Variants in SAMD15 observed in about 807,000 individuals in gnomAD.
SAMD15 encodes the protein sterile alpha motif domain containing 15.
In SAMD15, 37 loss-of-function variants were observed where a neutral mutation model predicts 50.5. The observed-to-expected ratio is 0.73, with a 90% confidence interval of 0.56 to 0.96. SAMD15 has a LOEUF of 0.96. SAMD15 is among the 40% of genes least tolerant of loss of function. The probability of loss-of-function intolerance (pLI) is 0.00; values close to 1 mark genes in which losing one functional copy is unlikely to be tolerated. For missense variants in SAMD15, 789 were observed against 783.8 expected (o/e 1.01, Z -0.08); for synonymous variants, 255 against 282.8 (o/e 0.90, Z 0.99).
intron 2 of SAMD15, among the ~76,000 whole-genome samples, chr14:77,383,487 A>C (rs1893969044): frequency 1.3e-5 from 2 of 152,228 alleles, no homozygotes; most frequent in African/African-American, 4.8e-5. Context: ...TGAAATCCTC[A>C]AGAGTAAATG....
chr14:77,380,750 C>T (rs1417215683), intron 2 of SAMD15, among the ~76,000 whole-genome samples: 1 of 152,182 alleles, frequency 6.6e-6, no homozygotes, highest in Non-Finnish European at 1.5e-5. Flanking sequence ...GCCTAGAACA[C>T]CACAGTGGCC....
chr14:77,385,409 C>G lies in SAMD15; in HGVS notation c.1788+4928C>G. Among the ~76,000 whole-genome samples, 4 of 152,050 alleles carry G rather than the reference C, an allele frequency of 2.6e-5. No homozygotes were observed. The South Asian group carries it at 8.3e-4, about 32-fold the overall frequency. The stretch of plus-strand genomic sequence containing the variant: ...CAAGCAATTCTTCCGCCTCAGCCTC[C>G]CGAGTAGCTGGGATTACAGGCGCCC... On this transcript the variant is annotated intron_variant, in intron 2 of 2. Transcript: ENST00000216471.
At position 77,380,480 on chromosome 14, in the gene SAMD15, A is replaced by G. The variant is rs745571290; in HGVS notation, c.1787A>G (p.Lys596Arg). 2 of 1,605,670 alleles carry G rather than the reference A, an allele frequency of 1.2e-6. No individual in the cohort carries two copies. The highest frequency in any genetic ancestry group is 1.1e-5 in the South Asian group (1 of 90,928). ...QMGITNFEDM[K>R]AISRHTQELL... ...GGGATAACAAACTTTGAGGACATGAAGGTGAGTTGTGTCCAAAGTTTCCCT... is the reference window on the plus strand; with the variant it reads ...GGGATAACAAACTTTGAGGACATGAGGGTGAGTTGTGTCCAAAGTTTCCCT... The change falls in exon 2 of 3, where the codon AAG (lysine) becomes AGG (arginine). Residue 596 changes from lysine (K) to arginine (R), a missense_variant and splice_region_variant. By Grantham distance (26) the Lys-to-Arg change is conservative (BLOSUM62 2). Coordinates refer to ENST00000216471, the MANE Select transcript of SAMD15 (RefSeq NM_001010860.4).
In SAMD15 at chr14:77,388,382, CGTGTGTGTGTGTGTGTGTGTGTGT is replaced by C. The variant is rs376913427; in HGVS notation, c.1789-2603_1789-2580del. Among the ~76,000 whole-genome samples the C allele has an allele frequency of 7.5e-5, 10 of 133,166 alleles. No homozygotes were observed. In the East Asian group the frequency reaches 1.6e-3, roughly 21 times the overall value. 87.4% of individuals were successfully genotyped at this position (133,166 alleles called of 152,430 possible). On this transcript the variant is annotated intron_variant, in intron 2 of 2. Coordinates refer to ENST00000216471, the MANE Select transcript of SAMD15 (RefSeq NM_001010860.4). ...CAAGAAGTCTTAGAAGCCACCTGTTCGTGTGTGTGTGTGTGTGTGTGTGTGTGTGTGTGTGTGTGTGTGTGTTTG... is the reference window on the plus strand; with the variant it reads ...CAAGAAGTCTTAGAAGCCACCTGTTCGTGTGTGTGTGTGTGTGTGTGTTTG...
rs777015619 is a variant in SAMD15 at position 77,378,799 on chromosome 14, G to C, written c.1381G>C (p.Ala461Pro). 4.3e-6 allele frequency: 7 copies of C among 1,612,452 alleles called. No homozygotes were observed. Among genetic ancestry groups the C allele is most frequent in the African/African-American group, 2.7e-5 (2 of 74,792 alleles). The change falls in exon 1 of 3, where the codon GCA becomes CCA. Residue 461 changes from alanine (A) to proline (P), a missense_variant. Around this residue, in one of 2 missense-constraint regions of SAMD15, gnomAD observed 770 missense variants for 745.4 expected, o/e 1.03. Transcript: ENST00000216471. Reference sequence around the variant, plus strand: ...TGACAAATTTAGAAAAGAATATTACGCATTAGGATCTCTCAGAGAAAGTGA... The same window carrying C: ...TGACAAATTTAGAAAAGAATATTACCCATTAGGATCTCTCAGAGAAAGTGA... Reference protein sequence around the residue: ...LSDKFRKEYYALGSLRESEES... With the variant: ...LSDKFRKEYYPLGSLRESEES...
In SAMD15 at chr14:77,378,252, A is replaced by G. The variant is rs1156378700; in HGVS notation, c.834A>G (p.Leu278=). Residue 278 remains leucine, a synonymous_variant, in exon 1 of 3, where the codon CTA becomes CTG. Transcript: ENST00000216471. ...EPRKSSEEAG[L]EPPEETQPEV... Reference sequence around the variant, plus strand: ...GAAAGTCTAGTGAGGAGGCAGGTCTAGAGCCTCCAGAAGAGACTCAACCAG... The same window carrying G: ...GAAAGTCTAGTGAGGAGGCAGGTCTGGAGCCTCCAGAAGAGACTCAACCAG... 1 of 1,614,070 alleles carries G rather than the reference A, an allele frequency of 6.2e-7. No individual in the cohort carries two copies. The highest frequency in any genetic ancestry group is 1.7e-5 in the Admixed American group (1 of 60,004).
rs1893870954 is a variant in SAMD15, at chr14:77,377,975, A to T, written c.557A>T (p.Glu186Val). 6.2e-7 allele frequency: 1 copy of T among 1,613,952 alleles called. No individual in the cohort carries two copies. Among genetic ancestry groups the T allele is most frequent in the Non-Finnish European group, 8.5e-7 (1 of 1,180,036 alleles). ...VRERNLELLE[E>V]ETEPGVPEES... Reference sequence around the variant, plus strand: ...GAGAGAAATTTAGAATTACTAGAGGAGGAGACTGAACCGGGGGTTCCAGAG... The same window carrying T: ...GAGAGAAATTTAGAATTACTAGAGGTGGAGACTGAACCGGGGGTTCCAGAG... The change falls in exon 1 of 3, where the codon GAG becomes GTG. Residue 186 changes from glutamate (E) to valine (V), a missense_variant. By Grantham distance (121) the Glu-to-Val change is moderately radical (BLOSUM62 -2). This residue lies in a region of SAMD15 where 770 missense variants were observed against 745.4 expected (regional missense o/e 1.03). Transcript: ENST00000216471.
chr14:77,380,302 C>T, intron 1 of SAMD15, 81 bp from the exon 2 acceptor site: 1 of 878,876 alleles, frequency 1.1e-6, no homozygotes, highest in Non-Finnish European at 1.9e-6. Flanking sequence ...AACACGACTT[C>T]TTCCCTTCCT....
intron 2 of SAMD15, 75 bp downstream of exon 2, chr14:77,380,556 C>T: frequency 1.0e-6 from 1 of 956,704 alleles, no homozygotes; most frequent in Non-Finnish European, 1.7e-6. Context: ...ACCTTTTTTT[C>T]CTCCAGCCTG....
chr14:77,379,833 T>G (rs1444953120), intron 1 of SAMD15, among the ~76,000 whole-genome samples: 1 of 152,248 alleles, frequency 6.6e-6, no homozygotes, highest in African/African-American at 2.4e-5. Context: ...GCCCCAAATA[T>G]GTCACCTGTA....
At chr14:77,383,118 T>G (rs1374141686) in intron 2 of SAMD15, among the ~76,000 whole-genome samples, 1 of 152,248 alleles carries the variant, frequency 6.6e-6, no homozygotes, top group Non-Finnish European at 1.5e-5. Flanking sequence ...TACAGCTGTT[T>G]TTATGAACTC....
In SAMD15 at chr14:77,378,333, T is replaced by A. The variant is rs757837908; in HGVS notation, c.915T>A (p.Pro305=). 6.2e-7 allele frequency: 1 copy of A among 1,612,106 alleles called. No individual in the cohort carries two copies. Among genetic ancestry groups the A allele is most frequent in the Admixed American group, 1.7e-5 (1 of 59,362 alleles). Residue 305 remains proline, a synonymous_variant, in exon 1 of 3, where the codon CCT becomes CCA. Coordinates refer to ENST00000216471, the MANE Select transcript of SAMD15 (RefSeq NM_001010860.4). The stretch of plus-strand genomic sequence containing the variant: ...CTGAGGAGAAAGGGACAGAACTACC[T>A]GAGCGGACTAAACCAGACTTTCCAG... ...KATEEKGTEL[P]ERTKPDFPDH... is the part of the protein sequence containing the mutation.
chr14:77,378,150 A>T lies in SAMD15; in HGVS notation c.732A>T (p.Thr244=). ...CCAAACCAGAGACTCCAGAGGAGAC[A>T]CAAAGAGAGTCAACTGAGAAGAAAA... ...KMTKPETPEE[T]QRESTEKKRT... Residue 244 remains threonine (T), a synonymous_variant, in exon 1 of 3, where the codon ACA becomes ACT. Transcript: ENST00000216471. The T allele has an allele frequency of 6.2e-7, 1 of 1,613,506 alleles. No homozygotes were observed. The highest frequency in any genetic ancestry group is 8.5e-7 in the Non-Finnish European group (1 of 1,179,878).
intron 2 of SAMD15, among the ~76,000 whole-genome samples, chr14:77,381,894 A>G (rs1893946953): frequency 6.6e-6 from 1 of 152,110 alleles, no homozygotes; most frequent in Admixed American, 6.6e-5. Context: ...AGGTGAAACA[A>G]CTTAACAAGC....
chr14:77,378,981 G>A lies in SAMD15; in HGVS notation c.1563G>A (p.Lys521=). The change falls in exon 1 of 3, where the codon AAG becomes AAA. Residue 521 remains lysine, a synonymous_variant. Coordinates refer to ENST00000216471, the MANE Select transcript of SAMD15 (RefSeq NM_001010860.4). ...TTGTAGATTTGTCCCAAGAGTTGAA[G>A]GAACGGGTCTCTGAAGATGACGAAA... ...KEVVDLSQEL[K]ERVSEDDETQ... 1 of 1,614,194 alleles carries A rather than the reference G, an allele frequency of 6.2e-7. No homozygotes were observed. Among genetic ancestry groups the A allele is most frequent in the Non-Finnish European group, 8.5e-7 (1 of 1,180,028 alleles).
At chr14:77,379,499 C>T (rs1893917759) in intron 1 of SAMD15, among the ~76,000 whole-genome samples, 1 of 152,038 alleles carries the variant, frequency 6.6e-6, no homozygotes. Flanking sequence ...CATTCTCCTG[C>T]CTCAACCTCC....
Position 77,377,401 on chromosome 14 carries a change from G to A in SAMD15, c.-18G>A. 6.3e-7 allele frequency: 1 copy of A among 1,576,450 alleles called. No homozygotes were observed. The highest frequency in any genetic ancestry group is 8.6e-7 in the Non-Finnish European group (1 of 1,162,202). On this transcript the variant is annotated 5_prime_UTR_variant, in exon 1 of 3. Coordinates refer to ENST00000216471, the MANE Select transcript of SAMD15 (RefSeq NM_001010860.4). ...GTTGGGGTTGCTAGGAAGCCGCGGC[G>A]CGTCTGCTAAGCTGCAAATGGCTGA...
At position 77,380,451 on chromosome 14, in the gene SAMD15, G is replaced by C. The variant is rs529671912; in HGVS notation, c.1758G>C (p.Gln586His). ...LIHVNCSNLP[Q>H]MGITNFEDMK... ...ACGTCAACTGCTCAAACCTCCCTCA[G>C]ATGGGGATAACAAACTTTGAGGACA... Residue 586 changes from glutamine to histidine, a missense_variant, in exon 2 of 3, where the codon CAG becomes CAC. Coordinates refer to ENST00000216471, the MANE Select transcript of SAMD15 (RefSeq NM_001010860.4). The C allele has an allele frequency of 3.7e-6, 6 of 1,613,740 alleles. No homozygotes were observed. In the African/African-American group the frequency reaches 6.7e-5, roughly 18 times the overall value.
rs1893870095 is a variant in SAMD15 at position 77,377,939 on chromosome 14, C to A, written c.521C>A (p.Ala174Asp). 1.8e-5 allele frequency: 29 copies of A among 1,614,018 alleles called. No individual in the cohort carries two copies. The highest frequency in any genetic ancestry group is 2.4e-5 in the Non-Finnish European group (28 of 1,179,998). Residue 174 changes from alanine (A) to aspartate (D), a missense_variant, in exon 1 of 3, where the codon GCC becomes GAC. By Grantham distance (126) the Ala-to-Asp change is moderately radical. Coordinates refer to ENST00000216471, the MANE Select transcript of SAMD15 (RefSeq NM_001010860.4). ...GAAACCATGTCTGAGGTTTCGGGGG[C>A]CACAGTCAGAGAGAGAAATTTAGAA... Reference protein sequence around the residue: ...PTETMSEVSGATVRERNLELL... With the variant: ...PTETMSEVSGDTVRERNLELL...
Sources: allele counts gnomAD v4.1 joint callset (sites outside exome capture counted in the v4.1 genomes callset), GRCh38; gene constraint gnomAD v4.1.1; regional missense constraint gnomAD v4.1.1; transcripts MANE v1.5; gene names NCBI Gene and HGNC (gene_info 2026-07-23, HGNC 2026-07-21).